The following CTNNA3 variants were observed in gnomAD, a reference collection of about 807,000 sequenced individuals.
CTNNA3 encodes catenin alpha-3.
A neutral mutation model predicts 95.7 loss-of-function variants in CTNNA3; 76 were observed. The observed-to-expected ratio is 0.79, with a 90% confidence interval of 0.66 to 0.96. The LOEUF is 0.96. Ranked by LOEUF, CTNNA3 falls within the 40% of genes least tolerant of loss-of-function variation. The probability of loss-of-function intolerance (pLI) is 0.00; values close to 1 mark genes in which losing one functional copy is unlikely to be tolerated. For synonymous variants in CTNNA3, 431 were observed against 374.4 expected (o/e 1.15, Z -1.74); for missense variants, 1,191 against 1,089.8 (o/e 1.09, Z -1.31).
rs980518000 is a variant in CTNNA3 at position 67,150,908 on chromosome 10, G to A, written c.1047+29409C>T. ...GGAAGACTTCATTCTCAATCTACAC[G>A]GCTATCCTTTCTTTTAAGTTCATAA... On this transcript the variant is annotated intron_variant, in intron 7 of 17. Transcript: ENST00000433211. Among the ~76,000 whole-genome samples, 31 of 152,134 alleles carry A rather than the reference G, an allele frequency of 2.0e-4. 1 individual carries two copies. The highest frequency in any genetic ancestry group is 5.8e-4 in the African/African-American group (24 of 41,510).
chr10:66,752,715 C>A (rs563911834), intron 9 of CTNNA3, among the ~76,000 whole-genome samples: 1 of 152,118 alleles, frequency 6.6e-6, no homozygotes, highest in Non-Finnish European at 1.5e-5. Flanking sequence ...ACATAAACAA[C>A]TTTTAAACAA....
intron 7 of CTNNA3, among the ~76,000 whole-genome samples, chr10:67,072,779 A>G (rs948530124): frequency 4.6e-5 from 7 of 152,146 alleles, no homozygotes; most frequent in Admixed American, 2.0e-4. Flanking sequence ...AATTTGGTAA[A>G]TATCTTCAAA....
intron 7 of CTNNA3, among the ~76,000 whole-genome samples, chr10:67,043,628 T>C (rs961547601): frequency 2.6e-5 from 4 of 152,180 alleles, no homozygotes; most frequent in African/African-American, 9.6e-5. Flanking sequence ...AACAATGATT[T>C]TTTTTTAAAG....
chr10:67,424,043 T>G (rs151213428), intron 5 of CTNNA3, among the ~76,000 whole-genome samples: 1 of 152,236 alleles, frequency 6.6e-6, no homozygotes, highest in African/African-American at 2.4e-5. Flanking sequence ...CTCAAAAAAT[T>G]ACCAGGACCT....
chr10:67,087,384 T>G (rs528147695), intron 7 of CTNNA3, among the ~76,000 whole-genome samples: 69 of 152,038 alleles, frequency 4.5e-4, no homozygotes, highest in African/African-American at 1.6e-3. Context: ...AGTTATTAGA[T>G]GATAAAGTGT....
At chr10:67,074,288 C>G (rs184347258) in intron 7 of CTNNA3, among the ~76,000 whole-genome samples, 1 of 151,044 alleles carries the variant, frequency 6.6e-6, no homozygotes, top group Non-Finnish European at 1.5e-5. Context: ...CCTTGGCCCC[C>G]CAAAGTGCTG....
chr10:67,127,362 G>A (rs2132009481), intron 7 of CTNNA3, among the ~76,000 whole-genome samples: 1 of 152,244 alleles, frequency 6.6e-6, no homozygotes, highest in East Asian at 1.9e-4. Context: ...TCCAAAGTTT[G>A]TGCTTCATAG....
In CTNNA3 at chr10:66,610,834, T is replaced by A. The variant is rs1198102258; in HGVS notation, c.1374+10858A>T. On this transcript the variant is annotated intron_variant, in intron 10 of 17. Coordinates refer to ENST00000433211, the MANE Select transcript of CTNNA3 (RefSeq NM_013266.4). Reference sequence around the variant, plus strand: ...TAAAGAGGTATCTGTACTCCCATGTTTATTGCAGCACTGTTCACAATAGCC... The same window carrying A: ...TAAAGAGGTATCTGTACTCCCATGTATATTGCAGCACTGTTCACAATAGCC... 2.0e-5 allele frequency among the ~76,000 whole-genome samples: 3 copies of A among 152,154 alleles called. No homozygotes were observed. In the East Asian group the frequency reaches 5.8e-4, roughly 29 times the overall value.
intron 9 of CTNNA3, among the ~76,000 whole-genome samples, chr10:66,678,246 G>C (rs2894019): frequency 0.55 from 84,205 of 151,934 alleles, 24,079 homozygotes; most frequent in African/African-American, 0.68. Flanking sequence ...CCCTGACCTA[G>C]TAGTTCCCTC....
At chr10:66,023,993 G>A (rs1469386530) in intron 15 of CTNNA3, among the ~76,000 whole-genome samples, 2 of 151,450 alleles carry the variant, frequency 1.3e-5, no homozygotes. Flanking sequence ...AAATAAACTA[G>A]AGTCAGATAG....
intron 10 of CTNNA3, among the ~76,000 whole-genome samples, chr10:66,569,583 A>G (rs1298322190): frequency 6.6e-6 from 1 of 152,178 alleles, no homozygotes; most frequent in Non-Finnish European, 1.5e-5. Flanking sequence ...TTTATTCAAA[A>G]ATTATAATAA....
intron 1 of CTNNA3, among the ~76,000 whole-genome samples, chr10:67,731,381 T>C (rs780322186): frequency 2.6e-5 from 4 of 151,974 alleles, no homozygotes; most frequent in East Asian, 3.9e-4. Flanking sequence ...AGCCAGGGGC[T>C]GAGGCAGCAG....
chr10:66,271,872 G>A (rs995751349), intron 13 of CTNNA3, among the ~76,000 whole-genome samples: 13 of 152,148 alleles, frequency 8.5e-5, no homozygotes, highest in Middle Eastern at 3.2e-3. Flanking sequence ...ACTAACTAGC[G>A]CGGCTTTTGT....
chr10:66,639,511 C>A (rs1210052345), intron 9 of CTNNA3, among the ~76,000 whole-genome samples: 1 of 152,094 alleles, frequency 6.6e-6, no homozygotes, highest in South Asian at 2.1e-4. Context: ...TTTTACTCAT[C>A]TTCCATGAAG....
intron 1 of CTNNA3, among the ~76,000 whole-genome samples, chr10:67,716,246 A>G (rs1841142148): frequency 6.6e-6 from 1 of 152,176 alleles, no homozygotes; most frequent in Non-Finnish European, 1.5e-5. Context: ...AGGGCCTAAT[A>G]CCACTGATTC....
chr10:67,540,202 C>A (rs1273283135), intron 3 of CTNNA3, among the ~76,000 whole-genome samples: 2 of 151,866 alleles, frequency 1.3e-5, no homozygotes, highest in African/African-American at 4.8e-5. Flanking sequence ...ATTGTGTCCA[C>A]TATTTTTAAT....
intron 3 of CTNNA3, among the ~76,000 whole-genome samples, chr10:67,564,361 G>A (rs922471845): frequency 6.7e-6 from 1 of 149,088 alleles, no homozygotes; most frequent in African/African-American, 2.5e-5. Flanking sequence ...GATGGAGCTG[G>A]TAACCACCAT....
At chr10:65,936,832 G>A (rs2077347321) in intron 17 of CTNNA3, among the ~76,000 whole-genome samples, 1 of 151,910 alleles carries the variant, frequency 6.6e-6, no homozygotes, top group Admixed American at 6.6e-5. Context: ...ACCTAATGAA[G>A]TAGACATGAC....
At chr10:66,036,151 T>A (rs190129632) in intron 15 of CTNNA3, among the ~76,000 whole-genome samples, 29 of 152,266 alleles carry the variant, frequency 1.9e-4, no homozygotes, top group Admixed American at 1.9e-3. Flanking sequence ...GTTTTATACA[T>A]CTACCAGCAT....
Sources: gnomAD v4.1 joint callset for allele counts (sites outside exome capture counted in the v4.1 genomes callset) on GRCh38, gnomAD v4.1.1 for gene constraint, MANE v1.5 for transcripts, NCBI Gene and HGNC (gene_info 2026-07-23, HGNC 2026-07-21) for gene names.